Variants in CXXC5 observed in about 807,000 individuals in gnomAD.
CXXC5 encodes CXXC-type zinc finger protein 5.
In CXXC5, 2 loss-of-function variants were observed where a neutral mutation model predicts 17.6. That is an observed-to-expected ratio of 0.11 (90% CI 0.05 to 0.36). CXXC5 has a LOEUF of 0.36. Ranked by LOEUF, CXXC5 falls within the 10% of genes least tolerant of loss-of-function variation. The pLI is 1.00. For missense variants in CXXC5, 343 were observed against 458.3 expected, an observed-to-expected ratio of 0.75 and a Z score of 2.30; for synonymous variants, 171 against 193.0, an observed-to-expected ratio of 0.89 and a Z score of 0.94.
chr5:139,676,667 C>T (rs1756850412), intron 1 of CXXC5, among the ~76,000 whole-genome samples: 1 of 147,512 alleles, frequency 6.8e-6, no homozygotes, highest in Non-Finnish European at 1.5e-5. Context: ...TTCCCTCTGC[C>T]TCCCTCTCCT....
chr5:139,652,143 C>G lies in CXXC5; in HGVS notation c.-161+3298C>G, dbSNP rs556254233. Among the ~76,000 whole-genome samples the G allele has an allele frequency of 6.8e-3, 701 of 102,780 alleles. 2 individuals carry two copies. Among genetic ancestry groups the G allele is most frequent in the African/African-American group, 0.03 (679 of 22,592 alleles). 67.4% of individuals were successfully genotyped at this position (102,780 alleles called of 152,430 possible). ...CCCCACCACCTGGTCCCATCCTAGC[C>G]GCCGGCGCGCGCGCGCGCGCGCGCG... is the stretch of plus-strand genomic sequence containing the variant. On this transcript the variant is annotated intron_variant, in intron 1 of 2. Coordinates refer to ENST00000302517, the MANE Select transcript of CXXC5 (RefSeq NM_016463.9).
rs771866037 is a variant in CXXC5 at position 139,680,692 on chromosome 5, G to A, written c.169G>A (p.Glu57Lys). 4 of 1,613,382 alleles carry A rather than the reference G, an allele frequency of 2.5e-6. No individual in the cohort carries two copies. The highest frequency in any genetic ancestry group is 3.4e-6 in the Non-Finnish European group (4 of 1,180,016). Residue 57 changes from glutamate (E) to lysine (K), a missense_variant, in exon 2 of 3, where the codon GAG (glutamate) becomes AAG (lysine). Coordinates refer to ENST00000302517, the MANE Select transcript of CXXC5 (RefSeq NM_016463.9). ...AGTGGCAGATGACACACCACCCCCC[G>A]AGCGTCGGAACAAGAGCGGTATCAT... Reference protein sequence around the residue: ...ASVADDTPPPERRNKSGIISE... With the variant: ...ASVADDTPPPKRRNKSGIISE...
At chr5:139,654,255 T>C (rs1220529156) in intron 1 of CXXC5, among the ~76,000 whole-genome samples, 1 of 152,152 alleles carries the variant, frequency 6.6e-6, no homozygotes, top group African/African-American at 2.4e-5. Flanking sequence ...TGCTACCGGC[T>C]CCTCCTAACC....
upstream of CXXC5, among the ~76,000 whole-genome samples, chr5:139,647,689 C>T (rs982835803): frequency 5.3e-5 from 8 of 152,196 alleles, no homozygotes; most frequent in African/African-American, 1.9e-4. Context: ...CGTTTTAGCC[C>T]CGGGACTCAA....
In CXXC5 at chr5:139,648,784, G is replaced by GCCCCT. The variant is rs1754995560; in HGVS notation, c.-217_-213dup. 1 of 152,428 alleles carries GCCCCT rather than the reference G, an allele frequency of 6.6e-6. No homozygotes were observed. The highest frequency in any genetic ancestry group is 1.5e-5 in the Non-Finnish European group (1 of 68,272). The allele number at this position is 152,428 out of a possible 1,614,324, so 9.4% of individuals were successfully genotyped here. A position where few individuals can be genotyped will look rare whatever the true frequency, so the allele number is the denominator to read the frequency against. ...AGAGCGGAGCGCAGCTCCCTGCCCC[G>GCCCCT]CCCCTCCCCCTCGGCCTCGCGGCGA... On this transcript the variant is annotated 5_prime_UTR_variant, in exon 1 of 3. Transcript: ENST00000302517.
rs1270590785 is a variant in CXXC5 at position 139,680,571 on chromosome 5, C to T, written c.48C>T (p.Ser16=). ...CCCAGGATGCCGGCGGCAGTAGCAG[C>T]AGCAGCACCAATGGCAGCGGTGGCA... ...GGSQDAGGSS[S]SSTNGSGGSG... is the part of the protein sequence containing the mutation. The change falls in exon 2 of 3, where the codon AGC becomes AGT. Residue 16 remains serine (S), a synonymous_variant. Transcript: ENST00000302517. 2 of 1,593,786 alleles carry T rather than the reference C, an allele frequency of 1.3e-6. No individual in the cohort carries two copies. Among genetic ancestry groups the T allele is most frequent in the East Asian group, 2.3e-5 (1 of 43,170 alleles).
chr5:139,664,894 T>C (rs1269699364), intron 1 of CXXC5, among the ~76,000 whole-genome samples: 3 of 152,200 alleles, frequency 2.0e-5, no homozygotes, highest in Non-Finnish European at 2.9e-5. Flanking sequence ...AATGGGAGAA[T>C]CATGATGCCT....
At chr5:139,674,207 T>G (rs1310706297) in intron 1 of CXXC5, among the ~76,000 whole-genome samples, 1 of 152,208 alleles carries the variant, frequency 6.6e-6, no homozygotes, top group African/African-American at 2.4e-5. Flanking sequence ...GAGCAGGGCT[T>G]CTTTTTCCCT....
intron 1 of CXXC5, among the ~76,000 whole-genome samples, chr5:139,654,077 C>T (rs536375424): frequency 6.6e-6 from 1 of 152,158 alleles, no homozygotes; most frequent in Non-Finnish European, 1.5e-5. Flanking sequence ...GCAGATCACT[C>T]TAGCCAGGAC....
intron 1 of CXXC5, among the ~76,000 whole-genome samples, chr5:139,652,694 G>A (rs1411912821): frequency 1.3e-5 from 2 of 152,340 alleles, no homozygotes; most frequent in East Asian, 3.9e-4. Flanking sequence ...TGATCTAGAA[G>A]TGTGTGGATC....
intron 1 of CXXC5, among the ~76,000 whole-genome samples, chr5:139,656,661 T>G (rs950337091): frequency 6.6e-6 from 1 of 152,222 alleles, no homozygotes; most frequent in African/African-American, 2.4e-5. Flanking sequence ...AAATAAGTGT[T>G]TGAAGAACTT....
At chr5:139,655,210 T>C (rs1372956628) in intron 1 of CXXC5, among the ~76,000 whole-genome samples, 1 of 152,026 alleles carries the variant, frequency 6.6e-6, no homozygotes, top group Non-Finnish European at 1.5e-5. Context: ...AGCCTGTCCC[T>C]CCATCGCAGG....
At chr5:139,677,547 A>G (rs1380087139) in intron 1 of CXXC5, among the ~76,000 whole-genome samples, 3 of 152,166 alleles carry the variant, frequency 2.0e-5, no homozygotes, top group Non-Finnish European at 4.4e-5. Context: ...TCTACTCTGG[A>G]TTTGAAAACA....
rs531721990 is a variant in CXXC5 at position 139,683,424 on chromosome 5, G to A, written c.*517G>A. ...TGGAGAATCCACTCACGTTCATAAAGAGAATGTTGATGGCGCCGTGTAGAA... is the reference window on the plus strand; with the variant it reads ...TGGAGAATCCACTCACGTTCATAAAAAGAATGTTGATGGCGCCGTGTAGAA... On this transcript the variant is annotated 3_prime_UTR_variant, in exon 3 of 3. Coordinates refer to ENST00000302517, the MANE Select transcript of CXXC5 (RefSeq NM_016463.9). The A allele has an allele frequency of 6.6e-6, 1 of 152,452 alleles. No individual in the cohort carries two copies. Among genetic ancestry groups the A allele is most frequent in the Non-Finnish European group, 1.5e-5 (1 of 68,062 alleles). The allele number at this position is 152,452 out of a possible 1,614,324, so 9.4% of individuals were successfully genotyped here.
chr5:139,655,136 T>C (rs1755416142), intron 1 of CXXC5, among the ~76,000 whole-genome samples: 1 of 152,130 alleles, frequency 6.6e-6, no homozygotes, highest in Admixed American at 6.5e-5. Flanking sequence ...AGATCAGCCC[T>C]AGGGAAGAGG....
In CXXC5 at chr5:139,661,160, C is replaced by CG. The variant is rs528929128; in HGVS notation, c.-161+12316dup. Among the ~76,000 whole-genome samples the CG allele has an allele frequency of 1.6e-3, 247 of 152,290 alleles. 1 individual carries two copies. Among genetic ancestry groups the CG allele is most frequent in the African/African-American group, 5.6e-3 (234 of 41,542 alleles). On this transcript the variant is annotated intron_variant, in intron 1 of 2. Coordinates refer to ENST00000302517, the MANE Select transcript of CXXC5 (RefSeq NM_016463.9). This position sits in a 1 kb window ranked among gnomAD's most constrained non-coding sequence, Gnocchi z 4.7. ...AGGTTATTTATCAAGCCAGCCTCCC[C>CG]GCCGCGGCTGCCCGCGCCGCCCCCC...
intron 1 of CXXC5, among the ~76,000 whole-genome samples, chr5:139,679,146 C>T (rs1175324608): frequency 6.6e-6 from 1 of 152,208 alleles, no homozygotes; most frequent in African/African-American, 2.4e-5. Context: ...AGAGGTCCCT[C>T]CTGGCAACAG....
chr5:139,671,571 T>C (rs1756472135), intron 1 of CXXC5, among the ~76,000 whole-genome samples: 1 of 152,238 alleles, frequency 6.6e-6, no homozygotes, highest in African/African-American at 2.4e-5. Context: ...CCCACAGGAT[T>C]CTGGGGGAGG....
rs936080059 is a variant in CXXC5 at position 139,661,544 on chromosome 5, G to A, written c.-161+12699G>A. On this transcript the variant is annotated intron_variant, in intron 1 of 2. Transcript: ENST00000302517. The surrounding 1 kb of genome is among the most constrained non-coding windows in gnomAD (Gnocchi z 4.7). ...CTCTGGCACACACACCCACTGGCAC[G>A]TACCTAGGCGAATGCACATACACAG... Among the ~76,000 whole-genome samples the A allele has an allele frequency of 4.6e-5, 7 of 152,164 alleles. No homozygotes were observed. The highest frequency in any genetic ancestry group is 7.2e-5 in the African/African-American group (3 of 41,424).
Sources: allele counts gnomAD v4.1 joint callset (sites outside exome capture counted in the v4.1 genomes callset), GRCh38; gene constraint gnomAD v4.1.1; non-coding constraint Gnocchi (gnomAD v3.1); transcripts MANE v1.5; gene names NCBI Gene and HGNC (gene_info 2026-07-23, HGNC 2026-07-21).